The following DCAF8L2 variants were observed in gnomAD, a reference collection of about 807,000 sequenced individuals.
The protein encoded by DCAF8L2 is DDB1 and CUL4 associated factor 8 like 2, also known as DDB1- and CUL4-associated factor 8-like protein 2.
For missense variants in DCAF8L2, 430 were observed against 490.7 expected, an observed-to-expected ratio of 0.88 and a Z score of 1.17; for synonymous variants, 200 against 190.9, an observed-to-expected ratio of 1.05 and a Z score of -0.39.
the DCAF8L2 span, among the ~76,000 whole-genome samples, chrX:27,511,907 A>G: frequency 8.9e-6 from 1 of 111,825 alleles, no homozygotes; most frequent in African/African-American, 3.2e-5. Context: ...AATTCCATTT[A>G]CAATAGCAAC....
intron 2 of DCAF8L2, among the ~76,000 whole-genome samples, chrX:27,663,002 G>T (rs1276456647): frequency 9.0e-6 from 1 of 111,207 alleles, no homozygotes; most frequent in East Asian, 2.8e-4. Flanking sequence ...ATTTCCTATT[G>T]CATTCCTATT....
At chrX:27,682,853 T>C (rs775959443) in intron 3 of DCAF8L2, among the ~76,000 whole-genome samples, 78 of 110,867 alleles carry the variant, frequency 7.0e-4, no homozygotes, top group African/African-American at 2.5e-3. Context: ...TAATAGTTCC[T>C]GTTAGAGCCA....
At chrX:27,540,738 A>G in the DCAF8L2 span, among the ~76,000 whole-genome samples, 3 of 112,073 alleles carry the variant, frequency 2.7e-5, no homozygotes, top group African/African-American at 9.7e-5. Flanking sequence ...CTCAACACAA[A>G]TGAAATGATA....
At chrX:27,535,160 C>T in the DCAF8L2 span, among the ~76,000 whole-genome samples, 4 of 111,635 alleles carry the variant, frequency 3.6e-5, no homozygotes, top group South Asian at 1.5e-3. Context: ...GTAGCTCGGT[C>T]TTTTTTCTGT....
chrX:27,485,902 A>G, the DCAF8L2 span, among the ~76,000 whole-genome samples: 1 of 101,368 alleles, frequency 9.9e-6, no homozygotes, highest in African/African-American at 3.5e-5. Context: ...CCTTCATTCA[A>G]TTGAGCAGGA....
chrX:27,720,319 C>T (rs866684352), intron 4 of DCAF8L2, among the ~76,000 whole-genome samples: 1 of 111,500 alleles, frequency 9.0e-6, no homozygotes, highest in Non-Finnish European at 1.9e-5. Context: ...GTAAAAGTTC[C>T]CCAAAGTTAT....
the DCAF8L2 span, among the ~76,000 whole-genome samples, chrX:27,469,757 G>A: frequency 2.7e-5 from 3 of 109,406 alleles, no homozygotes; most frequent in Non-Finnish European, 5.7e-5. Context: ...GTTACCGCTT[G>A]CTGATCTGCT....
intron 3 of DCAF8L2, among the ~76,000 whole-genome samples, chrX:27,704,260 A>G (rs1602753942): frequency 1.0e-5 from 1 of 97,845 alleles, no homozygotes; most frequent in Non-Finnish European, 2.0e-5. Flanking sequence ...GTATGTACGT[A>G]TATATACGTA....
intron 1 of DCAF8L2, among the ~76,000 whole-genome samples, chrX:27,608,342 A>G (rs774768469): frequency 1.8e-5 from 2 of 111,983 alleles, no homozygotes; most frequent in Non-Finnish European, 3.8e-5. Context: ...GTTTTATTTA[A>G]GTCCTTTACA....
chrX:27,513,436 G>T, the DCAF8L2 span, among the ~76,000 whole-genome samples: 8 of 111,803 alleles, frequency 7.2e-5, no homozygotes, highest in Non-Finnish European at 1.5e-4. Flanking sequence ...GGTGGGCATG[G>T]TGGCTCACAC....
chrX:27,541,250 A>G, the DCAF8L2 span, among the ~76,000 whole-genome samples: 1 of 112,226 alleles, frequency 8.9e-6, no homozygotes, highest in African/African-American at 3.2e-5. Flanking sequence ...TGACAAAAAG[A>G]GTATGATCAA....
At chrX:27,646,266 T>TA (rs758329860) in intron 2 of DCAF8L2, among the ~76,000 whole-genome samples, 4 of 111,344 alleles carry the variant, frequency 3.6e-5, no homozygotes, top group East Asian at 5.7e-4. Context: ...CCCACACACT[T>TA]ACAACTATCT....
chrX:27,675,555 T>C (rs905814061), intron 2 of DCAF8L2, among the ~76,000 whole-genome samples: 2 of 112,192 alleles, frequency 1.8e-5, no homozygotes, highest in African/African-American at 6.5e-5. Context: ...GAAATTTTAA[T>C]GGTTTTCTAG....
chrX:27,613,286 T>A (rs1435597804), intron 1 of DCAF8L2, among the ~76,000 whole-genome samples: 1 of 111,809 alleles, frequency 8.9e-6, no homozygotes, highest in Middle Eastern at 4.2e-3. Flanking sequence ...CTTGTAATTT[T>A]TGCACATTGA....
chrX:27,743,043 A>G (rs1216531863), intron 4 of DCAF8L2, among the ~76,000 whole-genome samples: 13 of 112,152 alleles, frequency 1.2e-4, no homozygotes, highest in Admixed American at 1.1e-3. Flanking sequence ...TGTGTAACTA[A>G]ATAGTATTAA....
chrX:27,588,280 T>A (rs1382636648), upstream of DCAF8L2, among the ~76,000 whole-genome samples: 1 of 109,916 alleles, frequency 9.1e-6, no homozygotes, highest in African/African-American at 3.3e-5. Context: ...ATTAATTCAC[T>A]TAGGATAATG....
chrX:27,644,267 TG>T (rs1484820647), intron 2 of DCAF8L2, among the ~76,000 whole-genome samples: 2 of 112,508 alleles, frequency 1.8e-5, no homozygotes, highest in Non-Finnish European at 3.8e-5. Flanking sequence ...ACGTTTAATT[TG>T]TTGTTTGTCT....
chrX:27,629,211 G>A (rs1430244268), intron 1 of DCAF8L2, among the ~76,000 whole-genome samples: 3 of 110,904 alleles, frequency 2.7e-5, no homozygotes, highest in African/African-American at 9.8e-5. Flanking sequence ...TTTTTAGATT[G>A]ATGTGGGCCC....
At chrX:27,640,045 T>C (rs1048172267) in intron 2 of DCAF8L2, among the ~76,000 whole-genome samples, 10 of 111,784 alleles carry the variant, frequency 8.9e-5, no homozygotes, top group African/African-American at 3.3e-4. Flanking sequence ...CATTAACTGG[T>C]CATTTACATT....
Sources: gnomAD v4.1 joint callset for allele counts (sites outside exome capture counted in the v4.1 genomes callset) on GRCh38, gnomAD v4.1.1 for gene constraint, MANE v1.5 for transcripts, NCBI Gene and HGNC (gene_info 2026-07-23, HGNC 2026-07-21) for gene names.